Variants in IRF4 observed in about 807,000 individuals in gnomAD.
IRF4 encodes interferon regulatory factor 4.
IRF4 carries 13 observed loss-of-function variants against 55.5 expected under a neutral mutation model. The ratio of observed to expected loss-of-function variants is 0.23; its 90% CI spans 0.15 to 0.37. The LOEUF (loss-of-function observed/expected upper bound fraction) is 0.37, where lower values mean the gene tolerates loss of function less well. IRF4 is among the 10% of genes least tolerant of loss of function. The probability of loss-of-function intolerance (pLI) is 1.00; values close to 1 mark genes in which losing one functional copy is unlikely to be tolerated. For missense variants in IRF4, 397 were observed against 593.8 expected (o/e 0.67, Z 3.44); for synonymous variants, 249 against 240.7 (o/e 1.03, Z -0.32).
At chr6:406,855 T>A (rs1761559800) in intron 8 of IRF4, 1 of 1,113,994 alleles carries the variant, frequency 9.0e-7, no homozygotes, top group Non-Finnish European at 1.1e-6. Flanking sequence ...CCTTAGATGC[T>A]GTAAATTCAG....
intron 3 of IRF4, among the ~76,000 whole-genome samples, chr6:395,403 T>G (rs1198773768): frequency 6.6e-6 from 1 of 152,234 alleles, no homozygotes; most frequent in Non-Finnish European, 1.5e-5. Flanking sequence ...CTATGCATGG[T>G]AATAAAACTG....
Position 395,799 on chromosome 6 carries a change from A to T in IRF4, c.404-48A>T, listed in dbSNP as rs374609552. 4.4e-6 allele frequency: 6 copies of T among 1,358,608 alleles called. No homozygotes were observed. In the Admixed American group the frequency reaches 7.0e-5, roughly 16 times the overall value. 84.2% of individuals were successfully genotyped at this position (1,358,608 alleles called of 1,614,324 possible). A position where few individuals can be genotyped will look rare whatever the true frequency, so the allele number is the denominator to read the frequency against. On this transcript the variant is annotated intron_variant, in intron 3 of 8. Transcript: ENST00000380956. ...ACAAGATTTGACATTTAGTTAGGTCAGTTCCTGTTTTTACGTTGTGCCATT... is the reference window on the plus strand; with the variant it reads ...ACAAGATTTGACATTTAGTTAGGTCTGTTCCTGTTTTTACGTTGTGCCATT...
rs1382331018 is a variant in IRF4 at position 408,941 on chromosome 6, C to A, written c.*1343C>A. 1.3e-5 allele frequency: 3 copies of A among 228,554 alleles called. No homozygotes were observed. Among genetic ancestry groups the A allele is most frequent in the African/African-American group, 4.4e-5 (2 of 44,990 alleles). The allele number at this position is 228,554 out of a possible 1,614,324, so 14.2% of individuals were successfully genotyped here. A position where few individuals can be genotyped will look rare whatever the true frequency, so the allele number is the denominator to read the frequency against. On this transcript the variant is annotated 3_prime_UTR_variant, in exon 9 of 9. Transcript: ENST00000380956. ...TCCAAATGCTTCTATTTATAGAATC[C>A]CAAAGACCTCCACTTGCTTAAGTAT...
In IRF4 at chr6:401,641, C is replaced by T. The variant is rs41301857; in HGVS notation, c.963C>T (p.Pro321=). 6.6e-3 allele frequency: 10,722 copies of T among 1,614,180 alleles called. 44 individuals carry two copies. The highest frequency in any genetic ancestry group is 8.1e-3 in the Non-Finnish European group (9,535 of 1,180,038). Reference sequence around the variant, plus strand: ...GGGGCGTGGTCCTCTGGATGGCCCCCGACGGGCTCTATGCGAAAAGACTGT... The same window carrying T: ...GGGGCGTGGTCCTCTGGATGGCCCCTGACGGGCTCTATGCGAAAAGACTGT... The part of the protein sequence containing the change: ...LERGVVLWMA[P]DGLYAKRLCQ... The change falls in exon 7 of 9, where the codon CCC becomes CCT. Residue 321 remains proline (P), a synonymous_variant. Coordinates refer to ENST00000380956, the MANE Select transcript of IRF4 (RefSeq NM_002460.4).
rs1336048452 is a variant in IRF4 at position 395,946 on chromosome 6, G to T, written c.492+11G>T. On this transcript the variant is annotated intron_variant, in intron 4 of 8. Transcript: ENST00000380956. The stretch of plus-strand genomic sequence containing the variant: ...TCGCTCCCAGCCCAGGTATGGTGGA[G>T]GGCACTGGGCTCCCTGAGGGCGAGG... The T allele has an allele frequency of 6.2e-7, 1 of 1,605,662 alleles. No homozygotes were observed. The highest frequency in any genetic ancestry group is 1.1e-5 in the South Asian group (1 of 90,230).
At chr6:395,287 A>G (rs1761224028) in intron 3 of IRF4, among the ~76,000 whole-genome samples, 2 of 152,184 alleles carry the variant, frequency 1.3e-5, no homozygotes, top group Non-Finnish European at 2.9e-5. Flanking sequence ...TTTCAAAAAA[A>G]AAAAGAAAAA....
rs766676957 is a variant in IRF4, at chr6:401,656, G to A, written c.978G>A (p.Ala326=). ...VLWMAPDGLY[A]KRLCQSRIYW... is the part of the protein sequence containing the mutation. ...GGATGGCCCCCGACGGGCTCTATGC[G>A]AAAAGACTGTGCCAGAGCAGGATCT... Residue 326 remains alanine, a synonymous_variant, in exon 7 of 9, where the codon GCG becomes GCA. Coordinates refer to ENST00000380956, the MANE Select transcript of IRF4 (RefSeq NM_002460.4). 13 of 1,614,112 alleles carry A rather than the reference G, an allele frequency of 8.1e-6. No individual in the cohort carries two copies. The highest frequency in any genetic ancestry group is 6.7e-5 in the African/African-American group (5 of 74,958).
chr6:395,665 A>C (rs1165412220), intron 3 of IRF4, among the ~76,000 whole-genome samples, 182 bp from the exon 4 acceptor site: 2 of 152,242 alleles, frequency 1.3e-5, no homozygotes, highest in South Asian at 2.1e-4. Context: ...TGTAGAAAAA[A>C]ATCAGTTTAA....
chr6:405,368 G>A (rs1581230981), intron 8 of IRF4, among the ~76,000 whole-genome samples: 1 of 152,208 alleles, frequency 6.6e-6, no homozygotes, highest in Non-Finnish European at 1.5e-5. Context: ...AGCCTCAAAG[G>A]AGGGTGCCTC....
chr6:408,034 C>A lies in IRF4; in HGVS notation c.*436C>A. On this transcript the variant is annotated 3_prime_UTR_variant, in exon 9 of 9. Transcript: ENST00000380956. ...TCTGTAGACTGCCATCATTGATGAT[C>A]ACTGTGAAAATTGACCAAGTGATGT... 1 of 264,302 alleles carries A rather than the reference C, an allele frequency of 3.8e-6. No individual in the cohort carries two copies. The highest frequency in any genetic ancestry group is 7.2e-6 in the Non-Finnish European group (1 of 138,936). 16.4% of individuals were successfully genotyped at this position (264,302 alleles called of 1,614,324 possible). A position where few individuals can be genotyped will look rare whatever the true frequency, so the allele number is the denominator to read the frequency against.
Position 394,399 on chromosome 6 carries a change from G to A in IRF4, c.217-422G>A, listed in dbSNP as rs570555714. On this transcript the variant is annotated intron_variant, in intron 2 of 8. Transcript: ENST00000380956. Reference sequence around the variant, plus strand: ...TGGGGTCTTTCAGTTTACGTTCTGAGCAACGGTGTAAATCTGAAGGACCTA... The same window carrying A: ...TGGGGTCTTTCAGTTTACGTTCTGAACAACGGTGTAAATCTGAAGGACCTA... 2.6e-5 allele frequency among the ~76,000 whole-genome samples: 4 copies of A among 152,332 alleles called. No homozygotes were observed. The South Asian group carries it at 8.3e-4, about 32-fold the overall frequency.
Position 407,679 on chromosome 6 carries a change from C to T in IRF4, c.*81C>T. The T allele has an allele frequency of 1.5e-6, 2 of 1,324,490 alleles. No individual in the cohort carries two copies. The highest frequency in any genetic ancestry group is 2.1e-6 in the Non-Finnish European group (2 of 970,758). 82.0% of individuals were successfully genotyped at this position (1,324,490 alleles called of 1,614,324 possible). ...GGGGATACGGGGTCTTGCTCTGTCT[C>T]CCAGGCTGGAGTGCAGTGACACAAT... On this transcript the variant is annotated 3_prime_UTR_variant, in exon 9 of 9. Transcript: ENST00000380956.
At chr6:406,699 A>G (rs977300493) in intron 8 of IRF4, 1 of 827,592 alleles carries the variant, frequency 1.2e-6, no homozygotes, top group Non-Finnish European at 1.6e-6. Flanking sequence ...TGGTCCATAA[A>G]ATGAATAAAC....
chr6:404,177 C>G (rs1267965331), intron 7 of IRF4, among the ~76,000 whole-genome samples: 1 of 152,150 alleles, frequency 6.6e-6, no homozygotes, highest in South Asian at 2.1e-4. Flanking sequence ...CTTTTGCGGG[C>G]GTGACATTTT....
At chr6:400,615 T>C (rs556577883) in intron 6 of IRF4, among the ~76,000 whole-genome samples, 1 of 152,298 alleles carries the variant, frequency 6.6e-6, no homozygotes, top group African/African-American at 2.4e-5. Context: ...TGTGGAAAAC[T>C]AATTTAAAAA....
intron 7 of IRF4, among the ~76,000 whole-genome samples, chr6:402,482 C>A (rs1761429888): frequency 6.6e-6 from 1 of 151,800 alleles, no homozygotes; most frequent in Admixed American, 6.5e-5. Flanking sequence ...CACCCCACCG[C>A]CAACTCTTCC....
chr6:401,454 G>A lies in IRF4; in HGVS notation c.776G>A (p.Arg259Gln), dbSNP rs781276700. 3.7e-6 allele frequency: 6 copies of A among 1,613,466 alleles called. No individual in the cohort carries two copies. The highest frequency in any genetic ancestry group is 1.6e-4 in the Middle Eastern group (1 of 6,068). The change falls in exon 7 of 9, where the codon CGG (arginine) becomes CAG (glutamine). Residue 259 changes from arginine to glutamine, a missense_variant. By Grantham distance (43) the Arg-to-Gln change is conservative. Transcript: ENST00000380956. ...DCRLHICLYY[R>Q]EILVKELTTS... ...CGGCTGCACATCTGCCTGTACTACCGGGAAATCCTCGTGAAGGAGCTGACC... is the reference window on the plus strand; with the variant it reads ...CGGCTGCACATCTGCCTGTACTACCAGGAAATCCTCGTGAAGGAGCTGACC...
Position 393,077 on chromosome 6 carries a change from G to A in IRF4, c.-55-21G>A, listed in dbSNP as rs1561709495. Reference sequence around the variant, plus strand: ...CGGAGTGCGGTGCCTCGTGGCTGAAGGGCAGCTCTTCTCCCCGCAGTGCAG... The same window carrying A: ...CGGAGTGCGGTGCCTCGTGGCTGAAAGGCAGCTCTTCTCCCCGCAGTGCAG... On this transcript the variant is annotated intron_variant, in intron 1 of 8. Coordinates refer to ENST00000380956, the MANE Select transcript of IRF4 (RefSeq NM_002460.4). This position sits in a 1 kb window ranked among gnomAD's most constrained non-coding sequence, Gnocchi z 5.4. 7.3e-7 allele frequency: 1 copy of A among 1,363,834 alleles called. No individual in the cohort carries two copies. Among genetic ancestry groups the A allele is most frequent in the Non-Finnish European group, 1.0e-6 (1 of 1,000,280 alleles). 84.5% of individuals were successfully genotyped at this position (1,363,834 alleles called of 1,614,324 possible). A position where few individuals can be genotyped will look rare whatever the true frequency, so the allele number is the denominator to read the frequency against.
At chr6:392,976 G>T (rs1394215171) in intron 1 of IRF4, 122 bp from the exon 2 acceptor site, 11 of 579,438 alleles carry the variant, frequency 1.9e-5, no homozygotes, top group South Asian at 2.4e-5. Context: ...ACCCTGACAC[G>T]GCACGCGCGC....
Sources: gnomAD v4.1 joint callset for allele counts (sites outside exome capture counted in the v4.1 genomes callset) on GRCh38, gnomAD v4.1.1 for gene constraint, Gnocchi (gnomAD v3.1) non-coding constraint, MANE v1.5 for transcripts, NCBI Gene and HGNC (gene_info 2026-07-23, HGNC 2026-07-21) for gene names.